Variants in LRRC4C observed in about 807,000 individuals in gnomAD.
The protein encoded by LRRC4C is leucine-rich repeat-containing protein 4C.
A neutral mutation model predicts 33.6 loss-of-function variants in LRRC4C; 5 were observed. That is an observed-to-expected ratio of 0.15 (90% CI 0.08 to 0.31). The LOEUF (loss-of-function observed/expected upper bound fraction) is 0.31. LRRC4C is among the 10% of genes least tolerant of loss of function. The pLI, the probability that LRRC4C is intolerant of heterozygous loss-of-function variation, is 1.00. For synonymous variants in LRRC4C, 329 were observed against 302.0 expected (o/e 1.09, Z -0.93); for missense variants, 560 against 796.7 (o/e 0.70, Z 3.58).
At chr11:40,572,161 C>T (rs1236616647) in intron 3 of LRRC4C, among the ~76,000 whole-genome samples, 1 of 152,132 alleles carries the variant, frequency 6.6e-6, no homozygotes, top group African/African-American at 2.4e-5. Flanking sequence ...ATATGGGGAA[C>T]ACAACTTTTT....
At chr11:41,406,825 G>A (rs1312831697) in intron 1 of LRRC4C, among the ~76,000 whole-genome samples, 2 of 151,086 alleles carry the variant, frequency 1.3e-5, no homozygotes, top group Admixed American at 6.6e-5. Context: ...TTAACACAAC[G>A]TCCTTGATTA....
At chr11:41,417,529 A>G (rs1954729227) in intron 1 of LRRC4C, among the ~76,000 whole-genome samples, 2 of 152,208 alleles carry the variant, frequency 1.3e-5, no homozygotes, top group Admixed American at 6.5e-5. Context: ...AGAGTTTGGC[A>G]TAGGTCTAAA....
At chr11:40,622,442 A>G (rs1962546122) in intron 3 of LRRC4C, among the ~76,000 whole-genome samples, 1 of 151,826 alleles carries the variant, frequency 6.6e-6, no homozygotes, top group African/African-American at 2.4e-5. Context: ...GCCTCAAAAT[A>G]CCCTGCATGT....
chr11:40,563,295 G>A (rs1957625961), intron 3 of LRRC4C, among the ~76,000 whole-genome samples: 1 of 152,138 alleles, frequency 6.6e-6, no homozygotes, highest in Non-Finnish European at 1.5e-5. Flanking sequence ...GGGGCAAGGA[G>A]GGTGCCTGGC....
At chr11:41,219,681 T>C (rs1947218852) in intron 1 of LRRC4C, among the ~76,000 whole-genome samples, 1 of 152,226 alleles carries the variant, frequency 6.6e-6, no homozygotes, top group Non-Finnish European at 1.5e-5. Flanking sequence ...GAAATTTTAG[T>C]TGGGAAAATC....
intron 3 of LRRC4C, among the ~76,000 whole-genome samples, chr11:40,322,490 C>T (rs1296823203): frequency 6.6e-6 from 1 of 152,152 alleles, no homozygotes; most frequent in African/African-American, 2.4e-5. Flanking sequence ...AGGTGATTCA[C>T]CTGCCTCACC....
intron 1 of LRRC4C, among the ~76,000 whole-genome samples, chr11:41,330,500 A>C (rs1951259684): frequency 6.6e-6 from 1 of 152,142 alleles, no homozygotes; most frequent in African/African-American, 2.4e-5. Context: ...AGATGCCGTC[A>C]ACATGTGGTC....
chr11:40,839,120 C>T (rs1415886261), intron 2 of LRRC4C, among the ~76,000 whole-genome samples: 1 of 152,106 alleles, frequency 6.6e-6, no homozygotes, highest in Admixed American at 6.6e-5. Context: ...GCAATACTGT[C>T]TCTAAATTTT....
At chr11:40,500,533 C>A (rs542994153) in intron 3 of LRRC4C, among the ~76,000 whole-genome samples, 23 of 151,830 alleles carry the variant, frequency 1.5e-4, no homozygotes, top group Non-Finnish European at 2.4e-4. Context: ...TGGTGGGAGG[C>A]AAAAGGCACG....
chr11:41,360,951 G>T (rs919551671), intron 1 of LRRC4C, among the ~76,000 whole-genome samples: 4 of 152,062 alleles, frequency 2.6e-5, no homozygotes, highest in South Asian at 2.1e-4. Context: ...GTAATGCTAG[G>T]CATCATGGCA....
chr11:40,853,590 A>G (rs887456221), intron 2 of LRRC4C, among the ~76,000 whole-genome samples: 1 of 152,110 alleles, frequency 6.6e-6, no homozygotes, highest in Non-Finnish European at 1.5e-5. Context: ...AGACAAATGC[A>G]ATCATTCCTT....
chr11:40,939,443 C>T (rs1210783169), intron 1 of LRRC4C, among the ~76,000 whole-genome samples: 1 of 151,656 alleles, frequency 6.6e-6, no homozygotes, highest in Non-Finnish European at 1.5e-5. Flanking sequence ...ATTTTTTCCT[C>T]AGAAATCAAC....
chr11:41,384,974 T>C (rs1319369215), intron 1 of LRRC4C, among the ~76,000 whole-genome samples: 2 of 150,440 alleles, frequency 1.3e-5, no homozygotes, highest in South Asian at 4.2e-4. Context: ...TGTAGTATAA[T>C]AAAGAAAAAC....
chr11:40,552,600 C>A (rs1467243324), intron 3 of LRRC4C, among the ~76,000 whole-genome samples: 3 of 152,162 alleles, frequency 2.0e-5, no homozygotes, highest in Non-Finnish European at 4.4e-5. Flanking sequence ...ATAAGGCCAA[C>A]TTCACTCATA....
chr11:40,799,432 A>G (rs981843091), intron 2 of LRRC4C, among the ~76,000 whole-genome samples: 4 of 152,220 alleles, frequency 2.6e-5, no homozygotes, highest in South Asian at 4.1e-4. Context: ...GTAGAGTTAA[A>G]AGATCATTGA....
At chr11:40,586,023 T>C (rs1402687566) in intron 3 of LRRC4C, among the ~76,000 whole-genome samples, 2 of 134,514 alleles carry the variant, frequency 1.5e-5, no homozygotes, top group Non-Finnish European at 3.2e-5. Context: ...GTATTTCTAG[T>C]TCTAGATCCT....
At chr11:40,665,205 T>C (rs1009787163) in intron 2 of LRRC4C, among the ~76,000 whole-genome samples, 10 of 150,308 alleles carry the variant, frequency 6.7e-5, no homozygotes, top group Admixed American at 2.0e-4. Flanking sequence ...TGCTTCCCCT[T>C]TACCTTATTC....
intron 1 of LRRC4C, among the ~76,000 whole-genome samples, chr11:40,946,523 A>G (rs1958409640): frequency 6.6e-6 from 1 of 152,184 alleles, no homozygotes; most frequent in Admixed American, 6.6e-5. Context: ...CGCTTTCCAC[A>G]GTGACTGAAC....
chr11:40,150,018 G>A (rs1858060227), intron 5 of LRRC4C, among the ~76,000 whole-genome samples: 2 of 152,160 alleles, frequency 1.3e-5, no homozygotes, highest in South Asian at 2.1e-4. Context: ...TGCCAGGGCT[G>A]TACTCCTTTC....
Sources: gnomAD v4.1 joint callset for allele counts (sites outside exome capture counted in the v4.1 genomes callset) on GRCh38, gnomAD v4.1.1 for gene constraint, MANE v1.5 for transcripts, NCBI Gene and HGNC (gene_info 2026-07-23, HGNC 2026-07-21) for gene names.